Variants in CDK14 observed in about 807,000 individuals in gnomAD.
CDK14 encodes cyclin-dependent kinase 14.
In CDK14, 34 loss-of-function variants were observed where a neutral mutation model predicts 60.7. The ratio of observed to expected loss-of-function variants is 0.56; its 90% CI spans 0.43 to 0.75. The LOEUF (loss-of-function observed/expected upper bound fraction) is 0.75. Ranked by LOEUF, CDK14 falls within the 30% of genes least tolerant of loss-of-function variation. The probability of loss-of-function intolerance (pLI) is 0.00; values close to 1 mark genes in which losing one functional copy is unlikely to be tolerated. For synonymous variants in CDK14, 197 were observed against 203.7 expected, an observed-to-expected ratio of 0.97 and a Z score of 0.28; for missense variants, 482 against 564.1, an observed-to-expected ratio of 0.85 and a Z score of 1.47.
chr7:90,977,490 T>C (rs1398326580), intron 9 of CDK14, among the ~76,000 whole-genome samples: 1 of 151,964 alleles, frequency 6.6e-6, no homozygotes, highest in African/African-American at 2.4e-5. Context: ...GTTCTGAGGG[T>C]TGGTTTCCTG....
chr7:91,021,110 C>A (rs1029746580), intron 10 of CDK14, among the ~76,000 whole-genome samples: 4 of 152,210 alleles, frequency 2.6e-5, no homozygotes, highest in Non-Finnish European at 2.9e-5. Flanking sequence ...TCTACTAAGT[C>A]TCCTATGACA....
intron 2 of CDK14, chr7:90,632,444 A>G (rs1800023526): frequency 1.4e-5 from 3 of 217,994 alleles, no homozygotes; most frequent in South Asian, 1.6e-4. Flanking sequence ...GTGGCGCTGC[A>G]AGATGCCAAC....
intron 12 of CDK14, among the ~76,000 whole-genome samples, chr7:91,084,412 C>T (rs1001940029): frequency 3.3e-5 from 5 of 152,164 alleles, no homozygotes; most frequent in African/African-American, 1.2e-4. Flanking sequence ...TGGGCCTCTC[C>T]TGCCCACTGC....
intron 2 of CDK14, among the ~76,000 whole-genome samples, chr7:90,665,516 A>C (rs1379014877): frequency 6.6e-6 from 1 of 152,188 alleles, no homozygotes; most frequent in Non-Finnish European, 1.5e-5. Flanking sequence ...GTGAGGGTAC[A>C]GTTTTTAACC....
intron 8 of CDK14, 88 bp downstream of exon 8, chr7:90,917,812 C>T: frequency 4.7e-6 from 6 of 1,280,270 alleles, no homozygotes; most frequent in Admixed American, 2.2e-5. Flanking sequence ...AGGTGCACTT[C>T]TTCTATCATC....
At chr7:90,961,113 A>G (rs1377805411) in intron 9 of CDK14, among the ~76,000 whole-genome samples, 1 of 152,188 alleles carries the variant, frequency 6.6e-6, no homozygotes, top group Non-Finnish European at 1.5e-5. Flanking sequence ...TTTACAAGAC[A>G]CTACATAATC....
chr7:90,930,237 TA>T (rs573370536), intron 8 of CDK14, among the ~76,000 whole-genome samples: 4 of 150,730 alleles, frequency 2.7e-5, no homozygotes, highest in Admixed American at 6.6e-5. Flanking sequence ...TAATTGTCAG[TA>T]AAAAAAAATG....
chr7:91,114,343 T>C (rs576958851), intron 13 of CDK14, among the ~76,000 whole-genome samples: 1 of 152,304 alleles, frequency 6.6e-6, no homozygotes, highest in South Asian at 2.1e-4. Context: ...AGTAAATGCC[T>C]ACACATTATC....
At chr7:90,937,133 G>T (rs1793781197) in intron 8 of CDK14, among the ~76,000 whole-genome samples, 1 of 152,000 alleles carries the variant, frequency 6.6e-6, no homozygotes, top group African/African-American at 2.4e-5. Flanking sequence ...ATAATTCAAA[G>T]TATAGGACAC....
chr7:91,096,476 A>T (rs1014149065), intron 12 of CDK14, among the ~76,000 whole-genome samples: 1 of 152,306 alleles, frequency 6.6e-6, no homozygotes, highest in East Asian at 1.9e-4. Flanking sequence ...TTTGACTGCA[A>T]CTTTGTCCCT....
intron 2 of CDK14, among the ~76,000 whole-genome samples, chr7:90,637,053 C>T (rs1015180239): frequency 6.6e-6 from 1 of 152,108 alleles, no homozygotes; most frequent in Non-Finnish European, 1.5e-5. Flanking sequence ...TGCTAGCGGT[C>T]TATCAATTTT....
chr7:90,624,817 C>T (rs1021898787), intron 2 of CDK14, among the ~76,000 whole-genome samples: 3 of 152,150 alleles, frequency 2.0e-5, no homozygotes, highest in Non-Finnish European at 4.4e-5. Context: ...GAGGCAGTCT[C>T]ATATATTATA....
At chr7:90,886,491 C>T (rs779981368) in intron 6 of CDK14, among the ~76,000 whole-genome samples, 6 of 152,102 alleles carry the variant, frequency 3.9e-5, no homozygotes, top group Non-Finnish European at 5.9e-5. Flanking sequence ...TTTCAGCCCT[C>T]GCATAGGGAA....
intron 5 of CDK14, among the ~76,000 whole-genome samples, chr7:90,855,340 G>A (rs1038927341): frequency 6.6e-6 from 1 of 152,106 alleles, no homozygotes; most frequent in African/African-American, 2.4e-5. Context: ...ATTCATTATT[G>A]TATTATAGTT....
intron 5 of CDK14, among the ~76,000 whole-genome samples, chr7:90,850,287 G>C (rs1790607051): frequency 6.6e-6 from 1 of 150,394 alleles, no homozygotes; most frequent in Non-Finnish European, 1.5e-5. Context: ...GGAGGATCCT[G>C]TAATGATTTT....
chr7:90,720,111 A>G (rs989607181), intron 2 of CDK14, among the ~76,000 whole-genome samples: 2 of 152,240 alleles, frequency 1.3e-5, no homozygotes, highest in Non-Finnish European at 2.9e-5. Context: ...TAAAATGAAT[A>G]TAAGACAGTC....
At chr7:91,176,222 T>C (rs1379882798) in intron 14 of CDK14, among the ~76,000 whole-genome samples, 6 of 152,050 alleles carry the variant, frequency 3.9e-5, no homozygotes, top group African/African-American at 7.2e-5. Flanking sequence ...GGGTACATAA[T>C]GAAATGAAGG....
At chr7:91,073,748 A>G (rs1053927449) in intron 11 of CDK14, among the ~76,000 whole-genome samples, 1 of 151,916 alleles carries the variant, frequency 6.6e-6, no homozygotes, top group Admixed American at 6.6e-5. Context: ...TGCGGTACCC[A>G]CGAGACCCAT....
At chr7:91,189,173 T>C (rs537490164) in intron 14 of CDK14, among the ~76,000 whole-genome samples, 6 of 152,296 alleles carry the variant, frequency 3.9e-5, no homozygotes, top group South Asian at 2.1e-4. Flanking sequence ...CCTTTATGAA[T>C]AATTTTATCT....
Sources: allele counts gnomAD v4.1 joint callset (sites outside exome capture counted in the v4.1 genomes callset), GRCh38; gene constraint gnomAD v4.1.1; transcripts MANE v1.5; gene names NCBI Gene and HGNC (gene_info 2026-07-23, HGNC 2026-07-21).